The following LRP8 variants were observed in gnomAD, a reference collection of about 807,000 sequenced individuals.
The protein encoded by LRP8 is low-density lipoprotein receptor-related protein 8.
Under a neutral mutation model 111.6 loss-of-function variants are expected in LRP8, and 46 were observed. The observed-to-expected ratio is 0.41, with a 90% CI of 0.33 to 0.53. LRP8 has a LOEUF of 0.53. Ranked by LOEUF, LRP8 falls within the 20% of genes least tolerant of loss-of-function variation. The pLI is 0.20. For synonymous variants in LRP8, 464 were observed against 511.2 expected (o/e 0.91, Z 1.24); for missense variants, 959 against 1,297.4 (o/e 0.74, Z 4.01).
In LRP8 at chr1:53,271,102, T is replaced by A; in HGVS notation, c.1178A>T (p.Tyr393Phe). 1 of 1,613,974 alleles carries A rather than the reference T, an allele frequency of 6.2e-7. No individual in the cohort carries two copies. The highest frequency in any genetic ancestry group is 1.1e-5 in the South Asian group (1 of 91,076). The change falls in exon 8 of 19, where the codon TAC becomes TTC. Residue 393 changes from tyrosine (Y) to phenylalanine (F), a missense_variant. Physicochemically the swap from Tyr to Phe is conservative, Grantham distance 22. Around this residue, in one of 3 missense-constraint regions of LRP8, gnomAD observed 819 missense variants for 1,097.6 expected, o/e 0.75. Transcript: ENST00000306052. ...GCACTCACACTTAAAATAGCCCTTGTAATTGACACAGATCTGGCTGCAGGC... is the reference window on the plus strand; with the variant it reads ...GCACTCACACTTAAAATAGCCCTTGAAATTGACACAGATCTGGCTGCAGGC... The part of the protein sequence containing the change: ...PDACSQICVN[Y>F]KGYFKCECYP...
intron 16 of LRP8, among the ~76,000 whole-genome samples, chr1:53,252,421 A>G (rs1429090526): frequency 2.6e-5 from 4 of 152,128 alleles, no homozygotes; most frequent in African/African-American, 9.7e-5. Flanking sequence ...CTGTAGTCCC[A>G]GCTACTCGGG....
intron 2 of LRP8, among the ~76,000 whole-genome samples, chr1:53,322,010 C>T (rs759831764): frequency 4.6e-5 from 7 of 151,656 alleles, no homozygotes; most frequent in Admixed American, 1.3e-4. Flanking sequence ...GCAGGAACCT[C>T]GACATCTGGC....
intron 2 of LRP8, among the ~76,000 whole-genome samples, chr1:53,296,752 G>A (rs987068658): frequency 1.3e-5 from 2 of 152,220 alleles, no homozygotes; most frequent in African/African-American, 2.4e-5. Context: ...GGAGGAGACC[G>A]TGGCCCAGAG....
intron 10 of LRP8, among the ~76,000 whole-genome samples, chr1:53,263,096 T>C (rs555345185): frequency 6.6e-6 from 1 of 152,366 alleles, no homozygotes; most frequent in African/African-American, 2.4e-5. Flanking sequence ...GGTTTCCTCC[T>C]GGGACCCTGA....
At chr1:53,323,768 T>G (rs1375827476) in intron 2 of LRP8, among the ~76,000 whole-genome samples, 1 of 152,280 alleles carries the variant, frequency 6.6e-6, no homozygotes, top group African/African-American at 2.4e-5. Context: ...TGAGGAGCTC[T>G]GTGACTTTGG....
intron 8 of LRP8, chr1:53,267,560 G>T (rs1355407613): frequency 2.0e-5 from 3 of 152,318 alleles, no homozygotes; most frequent in Middle Eastern, 6.8e-3. Flanking sequence ...GATCACAAAA[G>T]GTCCTATGAG....
intron 8 of LRP8, among the ~76,000 whole-genome samples, chr1:53,269,848 GTT>G (rs1188143674): frequency 5.2e-4 from 79 of 152,302 alleles, no homozygotes; most frequent in African/African-American, 1.9e-3. Context: ...ATTTGCATCT[GTT>G]TTGCTTACTG....
At chr1:53,320,442 C>T (rs1233179783) in intron 2 of LRP8, among the ~76,000 whole-genome samples, 5 of 152,152 alleles carry the variant, frequency 3.3e-5, no homozygotes, top group South Asian at 2.1e-4. Flanking sequence ...GGAGCCAATT[C>T]GACCATCAGG....
At chr1:53,272,479 A>G in intron 6 of LRP8, 1 of 862,352 alleles carries the variant, frequency 1.2e-6, no homozygotes. Context: ...CAAGCCAAGC[A>G]GTGCTGAGCT....
At chr1:53,312,940 G>A (rs1572671338) in intron 2 of LRP8, among the ~76,000 whole-genome samples, 4 of 152,174 alleles carry the variant, frequency 2.6e-5, no homozygotes, top group African/African-American at 9.7e-5. Context: ...GGGCGTTTTC[G>A]CTGAAAAGAG....
intron 6 of LRP8, among the ~76,000 whole-genome samples, chr1:53,272,127 A>G (rs1015765866): frequency 3.9e-5 from 6 of 151,924 alleles, no homozygotes; most frequent in Admixed American, 2.6e-4. Flanking sequence ...CCATTGCTAA[A>G]TCAATTCTCT....
intron 8 of LRP8, chr1:53,268,639 A>G (rs1047427980): frequency 2.0e-5 from 3 of 152,134 alleles, no homozygotes; most frequent in Non-Finnish European, 4.4e-5. Context: ...TGCCTTCTCA[A>G]TATCTCTACT....
At position 53,266,738 on chromosome 1, in the gene LRP8, A is replaced by C. The variant is rs192411076; in HGVS notation, c.1253-91T>G. On this transcript the variant is annotated intron_variant, in intron 8 of 18. Transcript: ENST00000306052. The surrounding 1 kb of genome is among the most constrained non-coding windows in gnomAD (Gnocchi z 5.0). ...CTCTGCCACTGGCTTGCTGGCTGACACATCCATTTTCCTTAAAATAGTAGT... is the reference window on the plus strand; with the variant it reads ...CTCTGCCACTGGCTTGCTGGCTGACCCATCCATTTTCCTTAAAATAGTAGT... 4 of 1,180,192 alleles carry C rather than the reference A, an allele frequency of 3.4e-6. No homozygotes were observed. Among genetic ancestry groups the C allele is most frequent in the Admixed American group, 3.7e-5 (2 of 54,726 alleles). The allele number at this position is 1,180,192 out of a possible 1,614,324, so 73.1% of individuals were successfully genotyped here.
intron 6 of LRP8, chr1:53,272,480 G>T: frequency 2.2e-6 from 2 of 909,712 alleles, no homozygotes; most frequent in Admixed American, 2.4e-5. Flanking sequence ...AAGCCAAGCA[G>T]TGCTGAGCTG....
At chr1:53,298,013 C>T (rs1044255345) in intron 2 of LRP8, among the ~76,000 whole-genome samples, 14 of 152,218 alleles carry the variant, frequency 9.2e-5, no homozygotes, top group African/African-American at 3.4e-4. Flanking sequence ...GAACACATCT[C>T]TAAGGGCCCC....
chr1:53,266,705 G>T lies in LRP8; in HGVS notation c.1253-58C>A. 1 of 1,514,390 alleles carries T rather than the reference G, an allele frequency of 6.6e-7. No individual in the cohort carries two copies. Among genetic ancestry groups the T allele is most frequent in the Non-Finnish European group, 9.1e-7 (1 of 1,094,344 alleles). The allele number at this position is 1,514,390 out of a possible 1,614,324, so 93.8% of individuals were successfully genotyped here. A position where few individuals can be genotyped will look rare whatever the true frequency, so the allele number is the denominator to read the frequency against. ...CAGTGCAAGAGGCAGGGAGCCTGGA[G>T]ACCAAGACTCTGCCACTGGCTTGCT... On this transcript the variant is annotated intron_variant, in intron 8 of 18. Transcript: ENST00000306052. This position sits in a 1 kb window ranked among gnomAD's most constrained non-coding sequence, Gnocchi z 5.0.
chr1:53,255,639 T>A (rs1646057392), intron 15 of LRP8, among the ~76,000 whole-genome samples: 1 of 152,214 alleles, frequency 6.6e-6, no homozygotes, highest in African/African-American at 2.4e-5. Context: ...ATCTGCATTA[T>A]CAGATTATTT....
intron 2 of LRP8, among the ~76,000 whole-genome samples, chr1:53,297,842 T>C (rs1014404980): frequency 2.0e-5 from 3 of 150,400 alleles, no homozygotes; most frequent in Admixed American, 6.6e-5. Context: ...GGTCCAAACA[T>C]GAAACAAGTG....
intron 3 of LRP8, among the ~76,000 whole-genome samples, chr1:53,283,455 A>AC (rs1647184832): frequency 6.7e-6 from 1 of 149,520 alleles, no homozygotes; most frequent in African/African-American, 2.5e-5. Flanking sequence ...CCACTTACTT[A>AC]CTACATACCC....
Sources: allele counts gnomAD v4.1 joint callset (sites outside exome capture counted in the v4.1 genomes callset), GRCh38; gene constraint gnomAD v4.1.1; regional missense constraint gnomAD v4.1.1; non-coding constraint Gnocchi (gnomAD v3.1); transcripts MANE v1.5; gene names NCBI Gene and HGNC (gene_info 2026-07-23, HGNC 2026-07-21).